The following CBLN2 variants were observed in gnomAD, a reference collection of about 807,000 sequenced individuals.
CBLN2 encodes the protein cerebellin-2.
A neutral mutation model predicts 15.0 loss-of-function variants in CBLN2; 7 were observed. The ratio of observed to expected loss-of-function variants is 0.47; its 90% confidence interval spans 0.27 to 0.88. CBLN2 has a LOEUF of 0.88. Among genes scored for constraint, CBLN2 ranks in the 40% least tolerant of loss-of-function variants. The pLI is 0.14. For synonymous variants in CBLN2, 149 were observed against 135.2 expected (o/e 1.10, Z -0.71); for missense variants, 242 against 304.5 (o/e 0.79, Z 1.53).
intron 1 of CBLN2, among the ~76,000 whole-genome samples, chr18:72,584,336 G>A (rs554340456): frequency 1.3e-5 from 2 of 149,392 alleles, no homozygotes; most frequent in Admixed American, 6.7e-5. Flanking sequence ...CCCCTGAGAC[G>A]AAGTCTTGCT....
At chr18:72,627,717 A>G (rs1281273075) in intron 1 of CBLN2, among the ~76,000 whole-genome samples, 3 of 152,262 alleles carry the variant, frequency 2.0e-5, no homozygotes, top group Admixed American at 2.0e-4. Context: ...GTGATTGCAC[A>G]TATTAGTAAT....
chr18:72,579,516 A>G (rs1055694624), intron 1 of CBLN2, among the ~76,000 whole-genome samples: 9 of 152,080 alleles, frequency 5.9e-5, no homozygotes, highest in Non-Finnish European at 1.3e-4. Flanking sequence ...GTGGATCACA[A>G]GGTCAGGGGT....
At chr18:72,549,221 A>C (rs897271400), upstream of CBLN2, among the ~76,000 whole-genome samples, 3 of 152,248 alleles carry the variant, frequency 2.0e-5, no homozygotes, top group African/African-American at 7.2e-5. Context: ...CATGTTGGCC[A>C]GGCTGGTCTG....
intron 1 of CBLN2, among the ~76,000 whole-genome samples, chr18:72,607,205 G>T (rs74947205): frequency 0.012 from 1,764 of 152,256 alleles, 38 homozygotes; most frequent in African/African-American, 0.04. Flanking sequence ...AACCAACACT[G>T]CCAACACCCT....
intron 1 of CBLN2, among the ~76,000 whole-genome samples, chr18:72,567,437 T>C (rs2069302618): frequency 6.6e-6 from 1 of 152,138 alleles, no homozygotes; most frequent in South Asian, 2.1e-4. Context: ...TTGTCCAGAA[T>C]TATTATTTCT....
intron 1 of CBLN2, among the ~76,000 whole-genome samples, chr18:72,601,710 C>T (rs933387930): frequency 2.0e-5 from 3 of 152,108 alleles, no homozygotes; most frequent in Admixed American, 6.5e-5. Flanking sequence ...CCCAAGACAG[C>T]GTCCCCACCC....
chr18:72,536,949 C>G lies in CBLN2; in HGVS notation c.*1227G>C, dbSNP rs2069067330. On this transcript the variant is annotated 3_prime_UTR_variant, in exon 5 of 5. Coordinates refer to ENST00000269503, the MANE Select transcript of CBLN2 (RefSeq NM_182511.4). ...CCACCAATATCTTTAACCACAGTGA[C>G]TTTCAGGTGGCTTCTCGCCAGGTGC... The G allele has an allele frequency of 6.6e-6, 1 of 152,636 alleles. No individual in the cohort carries two copies. The highest frequency in any genetic ancestry group is 2.4e-5 in the African/African-American group (1 of 41,442). The allele number at this position is 152,636 out of a possible 1,614,324, so 9.5% of individuals were successfully genotyped here.
chr18:72,619,289 T>G (rs1216016504), intron 1 of CBLN2: 2 of 660,728 alleles, frequency 3.0e-6, no homozygotes, highest in Non-Finnish European at 5.2e-6. Context: ...AGCTACAGGT[T>G]ACAACAGAAT....
chr18:72,597,316 T>C (rs1264484764), intron 1 of CBLN2, among the ~76,000 whole-genome samples: 1 of 152,210 alleles, frequency 6.6e-6, no homozygotes, highest in African/African-American at 2.4e-5. Context: ...TTGGTGGTCT[T>C]GGGTAAGATT....
At chr18:72,585,524 G>A (rs888842328) in intron 1 of CBLN2, among the ~76,000 whole-genome samples, 1 of 152,094 alleles carries the variant, frequency 6.6e-6, no homozygotes, top group African/African-American at 2.4e-5. Flanking sequence ...TCTGAGTGTG[G>A]CTGAGTCCGG....
intron 1 of CBLN2, among the ~76,000 whole-genome samples, chr18:72,622,455 G>A (rs567891414): frequency 6.6e-6 from 1 of 152,084 alleles, no homozygotes; most frequent in South Asian, 2.1e-4. Context: ...TCAGCCTTAT[G>A]GGTGAGTAAG....
At chr18:72,594,025 A>G (rs1047429233) in intron 1 of CBLN2, among the ~76,000 whole-genome samples, 7 of 152,176 alleles carry the variant, frequency 4.6e-5, no homozygotes, top group Admixed American at 3.9e-4. Context: ...CAGCAAACTA[A>G]CACAGGAACA....
At chr18:72,561,208 A>G (rs746205457) in intron 1 of CBLN2, among the ~76,000 whole-genome samples, 67 of 148,112 alleles carry the variant, frequency 4.5e-4, no homozygotes, top group Middle Eastern at 6.9e-3. Context: ...TAAACTTGAA[A>G]TCACTCCCAG....
chr18:72,547,112 A>T (rs1287411188), upstream of CBLN2, among the ~76,000 whole-genome samples: 2 of 3,736 alleles, frequency 5.4e-4, no homozygotes, highest in African/African-American at 5.6e-4. Flanking sequence ...AGAAAGTGTC[A>T]CACACACACA....
rs1050041182 is a variant in CBLN2 at position 72,543,662 on chromosome 18, G to A, written c.-211-132C>T. 8.0e-5 allele frequency: 30 copies of A among 372,712 alleles called. No individual in the cohort carries two copies. The highest frequency in any genetic ancestry group is 1.2e-4 in the Non-Finnish European group (26 of 209,786). The allele number at this position is 372,712 out of a possible 1,614,324, so 23.1% of individuals were successfully genotyped here. On this transcript the variant is annotated intron_variant, in intron 1 of 4. Transcript: ENST00000269503. The surrounding 1 kb of genome is among the most constrained non-coding windows in gnomAD (Gnocchi z 6.8). The stretch of plus-strand genomic sequence containing the variant: ...TCCCGCGCCAGCCTGCGCCGCTTCA[G>A]GGGTGCACCACGCCCCGCGCGCCCG...
At chr18:72,549,572 T>C (rs1440532910) in intron 1 of CBLN2, among the ~76,000 whole-genome samples, 1 of 152,214 alleles carries the variant, frequency 6.6e-6, no homozygotes. Context: ...TCTTTTTCAT[T>C]AGCATCTGGT....
At chr18:72,620,444 C>T (rs1281989548) in intron 1 of CBLN2, 1 of 152,150 alleles carries the variant, frequency 6.6e-6, no homozygotes, top group Non-Finnish European at 1.5e-5. Context: ...CAAGTCTGGC[C>T]ATCTCTGGCA....
chr18:72,583,785 A>G lies in CBLN2; in HGVS notation c.16-45013T>C, dbSNP rs569650942. On this transcript the variant is annotated intron_variant, in intron 1 of 2. Transcript: ENST00000581073. Reference sequence around the variant, plus strand: ...AAATACTTTGTGCAAAACCTTTGCTACATGTTAGAATCATGGCCTGGCCAT... The same window carrying G: ...AAATACTTTGTGCAAAACCTTTGCTGCATGTTAGAATCATGGCCTGGCCAT... Among the ~76,000 whole-genome samples the G allele has an allele frequency of 8.5e-5, 13 of 152,282 alleles. No individual in the cohort carries two copies. In the South Asian group the frequency reaches 2.7e-3, roughly 32 times the overall value.
intron 1 of CBLN2, among the ~76,000 whole-genome samples, chr18:72,585,328 G>A (rs2069435293): frequency 6.6e-6 from 1 of 152,224 alleles, no homozygotes; most frequent in Admixed American, 6.5e-5. Flanking sequence ...CAGGAAGAAT[G>A]AGGTATGCAA....
Sources: allele counts gnomAD v4.1 joint callset (sites outside exome capture counted in the v4.1 genomes callset), GRCh38; gene constraint gnomAD v4.1.1; non-coding constraint Gnocchi (gnomAD v3.1); transcripts MANE v1.5; gene names NCBI Gene and HGNC (gene_info 2026-07-23, HGNC 2026-07-21).